ITGA9: variants seen among roughly 807,000 people sequenced by gnomAD.
ITGA9 encodes integrin subunit alpha 9, also known as integrin alpha-9.
Under a neutral mutation model 127.8 loss-of-function variants are expected in ITGA9, and 56 were observed. The ratio of observed to expected loss-of-function variants is 0.44; its 90% confidence interval spans 0.35 to 0.55. The LOEUF (loss-of-function observed/expected upper bound fraction) is 0.55, where lower values mean the gene tolerates loss of function less well. Ranked by LOEUF, ITGA9 falls within the 20% of genes least tolerant of loss-of-function variation. The pLI, the probability that ITGA9 is intolerant of heterozygous loss-of-function variation, is 0.00. For missense variants in ITGA9, 1,196 were observed against 1,347.1 expected (o/e 0.89, Z 1.76); for synonymous variants, 508 against 514.5 (o/e 0.99, Z 0.17).
At chr3:37,754,061 T>A (rs1297667726) in intron 23 of ITGA9, 1 of 152,154 alleles carries the variant, frequency 6.6e-6, no homozygotes, top group Non-Finnish European at 1.5e-5. Flanking sequence ...ACCTGAAAAA[T>A]TGAACCACTT....
chr3:37,713,833 G>C (rs1701104719), intron 18 of ITGA9, among the ~76,000 whole-genome samples: 1 of 152,242 alleles, frequency 6.6e-6, no homozygotes, highest in African/African-American at 2.4e-5. Flanking sequence ...CTGAGCTGAG[G>C]ATGACCCTCC....
chr3:37,586,495 C>T (rs910768084), intron 15 of ITGA9, among the ~76,000 whole-genome samples: 7 of 152,296 alleles, frequency 4.6e-5, no homozygotes, highest in Admixed American at 2.6e-4. Context: ...TTACAGGTCA[C>T]GAAGTCTCTT....
intron 18 of ITGA9, among the ~76,000 whole-genome samples, chr3:37,696,887 G>A (rs1362228764): frequency 6.6e-6 from 1 of 152,196 alleles, no homozygotes; most frequent in Non-Finnish European, 1.5e-5. Context: ...ACCTGGGAGT[G>A]TGTTAGAAAT....
Position 37,471,024 on chromosome 3 carries a change from C to G in ITGA9, c.203C>G (p.Pro68Arg), listed in dbSNP as rs1199410649. Reference protein sequence around the residue: ...DNTRWVLVGAPKADSKYSPSV... With the variant: ...DNTRWVLVGARKADSKYSPSV... ...TGCTGCAGGGTCCTTGTGGGCGCACCAAAGGCAGATTCCAAATACAGCCCT... is the reference window on the plus strand; with the variant it reads ...TGCTGCAGGGTCCTTGTGGGCGCACGAAAGGCAGATTCCAAATACAGCCCT... Residue 68 changes from proline (P) to arginine (R), a missense_variant, in exon 2 of 28, where the codon CCA becomes CGA. Coordinates refer to ENST00000264741, the MANE Select transcript of ITGA9 (RefSeq NM_002207.3). 1 of 1,614,066 alleles carries G rather than the reference C, an allele frequency of 6.2e-7. No individual in the cohort carries two copies. Among genetic ancestry groups the G allele is most frequent in the Non-Finnish European group, 8.5e-7 (1 of 1,179,990 alleles).
intron 5 of ITGA9, among the ~76,000 whole-genome samples, chr3:37,495,938 C>T (rs1384808363): frequency 6.6e-6 from 1 of 152,168 alleles, no homozygotes; most frequent in Non-Finnish European, 1.5e-5. Context: ...CAATGTAAAG[C>T]TCCTCATCCT....
At chr3:37,676,298 T>G (rs1036778865) in intron 17 of ITGA9, among the ~76,000 whole-genome samples, 6 of 152,234 alleles carry the variant, frequency 3.9e-5, no homozygotes, top group African/African-American at 1.4e-4. Context: ...AACTCATGTG[T>G]ATGTTAAACT....
At chr3:37,565,740 C>G (rs1699540160) in intron 15 of ITGA9, among the ~76,000 whole-genome samples, 2 of 152,200 alleles carry the variant, frequency 1.3e-5, no homozygotes, top group African/African-American at 4.8e-5. Context: ...TAGGCTCACT[C>G]CTTATAGATT....
chr3:37,587,357 C>T (rs1315134189), intron 15 of ITGA9, among the ~76,000 whole-genome samples: 1 of 152,216 alleles, frequency 6.6e-6, no homozygotes, highest in Non-Finnish European at 1.5e-5. Flanking sequence ...CAGGTCCTAA[C>T]TCCAGTAATG....
rs1248933064 is a variant in ITGA9 at position 37,481,465 on chromosome 3, C to T, written c.421-19C>T. ...TTGGGGCCAACTTTCCTGCTCTCAA[C>T]TGCTCTCTATCCCTTTAGGCCTGTG... On this transcript the variant is annotated intron_variant, in intron 3 of 27. Transcript: ENST00000264741. The T allele has an allele frequency of 1.2e-6, 2 of 1,614,222 alleles. No homozygotes were observed. The highest frequency in any genetic ancestry group is 1.1e-5 in the South Asian group (1 of 91,090).
chr3:37,496,229 T>C (rs1698726601), intron 5 of ITGA9, among the ~76,000 whole-genome samples: 1 of 152,170 alleles, frequency 6.6e-6, no homozygotes, highest in South Asian at 2.1e-4. Flanking sequence ...ATTTTCACTC[T>C]CAAACCAATA....
At chr3:37,467,866 C>A (rs17036380) in intron 1 of ITGA9, among the ~76,000 whole-genome samples, 3,458 of 152,244 alleles carry the variant, frequency 0.023, 117 homozygotes, top group African/African-American at 0.078. Flanking sequence ...TAATTCTTCT[C>A]ACCTGTGAAA....
chr3:37,593,300 T>C (rs964885479), intron 15 of ITGA9, among the ~76,000 whole-genome samples: 1 of 152,218 alleles, frequency 6.6e-6, no homozygotes, highest in Non-Finnish European at 1.5e-5. Flanking sequence ...ATTTTGGGTT[T>C]TTTGTTGTAT....
intron 17 of ITGA9, among the ~76,000 whole-genome samples, chr3:37,658,626 T>C (rs1415126543): frequency 6.6e-6 from 1 of 152,214 alleles, no homozygotes; most frequent in Admixed American, 6.5e-5. Context: ...TGATGGGTCT[T>C]GACTCTTCAT....
intron 17 of ITGA9, among the ~76,000 whole-genome samples, chr3:37,658,160 A>T (rs1231720696): frequency 6.6e-6 from 1 of 152,184 alleles, no homozygotes; most frequent in East Asian, 1.9e-4. Context: ...AAGAATGTAT[A>T]TTCTGCTGAT....
intron 3 of ITGA9, among the ~76,000 whole-genome samples, chr3:37,473,954 C>T (rs1231550628): frequency 6.6e-6 from 1 of 152,204 alleles, no homozygotes; most frequent in Non-Finnish European, 1.5e-5. Context: ...TCTAGAATTT[C>T]ATATAAATGG....
intron 27 of ITGA9, among the ~76,000 whole-genome samples, chr3:37,810,057 G>A (rs1490876072): frequency 6.6e-6 from 1 of 152,234 alleles, no homozygotes; most frequent in Non-Finnish European, 1.5e-5. Flanking sequence ...GAAGACAGCG[G>A]TTGGCGGGGA....
intron 16 of ITGA9, among the ~76,000 whole-genome samples, chr3:37,652,990 C>G (rs1344784662): frequency 6.6e-6 from 1 of 152,202 alleles, no homozygotes; most frequent in Admixed American, 6.5e-5. Context: ...CAGATAGGCC[C>G]AGGCCCAGGC....
At chr3:37,727,355 C>G (rs1420403133) in intron 18 of ITGA9, among the ~76,000 whole-genome samples, 1 of 152,140 alleles carries the variant, frequency 6.6e-6, no homozygotes, top group Admixed American at 6.6e-5. Context: ...CTTTGCCAGA[C>G]AAGGAAAAGT....
intron 5 of ITGA9, among the ~76,000 whole-genome samples, chr3:37,497,432 G>T (rs550667360): frequency 6.6e-6 from 1 of 151,678 alleles, no homozygotes; most frequent in African/African-American, 2.4e-5. Context: ...GAGTGCCCGG[G>T]ATCTACAACA....
Sources: gnomAD v4.1 joint callset for allele counts (sites outside exome capture counted in the v4.1 genomes callset) on GRCh38, gnomAD v4.1.1 for gene constraint, MANE v1.5 for transcripts, NCBI Gene and HGNC (gene_info 2026-07-23, HGNC 2026-07-21) for gene names.